The following POLR2F variants were observed in gnomAD, a reference collection of about 807,000 sequenced individuals.
POLR2F encodes DNA-directed RNA polymerases I, II, and III subunit RPABC2.
POLR2F carries 12 observed loss-of-function variants against 22.7 expected under a neutral mutation model. The ratio of observed to expected loss-of-function variants is 0.53; its 90% CI spans 0.34 to 0.86. The LOEUF is 0.86. POLR2F is among the 40% of genes least tolerant of loss of function. The pLI is 0.02. For missense variants in POLR2F, 126 were observed against 171.5 expected (o/e 0.73, Z 1.48); for synonymous variants, 57 against 66.0 (o/e 0.86, Z 0.66).
At chr22:38,029,647 G>T (rs945753363), downstream of POLR2F, among the ~76,000 whole-genome samples, 1 of 152,210 alleles carries the variant, frequency 6.6e-6, no homozygotes, top group Non-Finnish European at 1.5e-5. Context: ...GATGGTTCAA[G>T]TTGGTTTCTG....
intron 1 of POLR2F, among the ~76,000 whole-genome samples, chr22:37,989,594 G>T (rs915530511): frequency 2.0e-5 from 3 of 152,208 alleles, no homozygotes; most frequent in Non-Finnish European, 4.4e-5. Flanking sequence ...AGCTGTGAGG[G>T]CTCCTGTCAT....
rs1348534066 is a variant in POLR2F at position 37,997,861 on chromosome 22, C to T, written c.120+11549C>T. 1.3e-5 allele frequency among the ~76,000 whole-genome samples: 2 copies of T among 152,142 alleles called. No individual in the cohort carries two copies. The highest frequency in any genetic ancestry group is 6.5e-5 in the Admixed American group (1 of 15,278). On this transcript the variant is annotated intron_variant, in intron 1 of 2. Transcript: ENST00000333418. This position sits in a 1 kb window ranked among gnomAD's most constrained non-coding sequence, Gnocchi z 4.4. ...GGGGGACAGGCAGGAGGTAAGGATG[C>T]GTCCGAGCCTCCCTAGGACACGACC... is the stretch of plus-strand genomic sequence containing the variant.
chr22:38,008,799 A>G (rs2084846478), intron 1 of POLR2F, among the ~76,000 whole-genome samples: 1 of 151,508 alleles, frequency 6.6e-6, no homozygotes. Flanking sequence ...CAGAGGTTGC[A>G]GTGAGCCGAG....
At chr22:38,033,344 C>T (rs2085084074) in intron 5 of POLR2F, among the ~76,000 whole-genome samples, 1 of 152,176 alleles carries the variant, frequency 6.6e-6, no homozygotes, top group South Asian at 2.1e-4. Context: ...AGAGAAAGCG[C>T]TTGTCCAGGG....
chr22:37,991,585 G>A (rs1932729382), intron 1 of POLR2F, among the ~76,000 whole-genome samples: 1 of 152,032 alleles, frequency 6.6e-6, no homozygotes, highest in African/African-American at 2.4e-5. Flanking sequence ...TTAACATCTT[G>A]TAGAGTTTTT....
intron 3 of POLR2F, among the ~76,000 whole-genome samples, chr22:37,961,139 G>A (rs1555934700): frequency 2.0e-5 from 3 of 152,136 alleles, no homozygotes; most frequent in South Asian, 4.1e-4. Context: ...ATGAGCCACC[G>A]CGCCTGGCCG....
At position 37,959,339 on chromosome 22, in the gene POLR2F, T is replaced by C. The variant is rs773785990; in HGVS notation, c.91-7T>C. On this transcript the variant is annotated splice_region_variant and splice_polypyrimidine_tract_variant and intron_variant, in intron 2 of 4. Transcript: ENST00000442738. ...AGTCTTTCCCTCTTTTTTGTCTTGG[T>C]GTCCAGGAAGGCCAGGAGAATGTCG... 4.3e-6 allele frequency: 7 copies of C among 1,612,720 alleles called. No individual in the cohort carries two copies. The African/African-American group carries it at 6.7e-5, about 15-fold the overall frequency.
At chr22:37,987,326 G>C in intron 1 of POLR2F, 1 of 456,376 alleles carries the variant, frequency 2.2e-6, no homozygotes, top group South Asian at 1.5e-5. Context: ...CCCCAGAGAG[G>C]AGGAGAGGAA....
downstream of POLR2F, chr22:37,971,161 A>G (rs1430850488): frequency 4.4e-6 from 2 of 459,218 alleles, no homozygotes; most frequent in African/African-American, 4.0e-5. Flanking sequence ...TCCAGATACA[A>G]AGCAGAAGCA....
intron 1 of POLR2F, among the ~76,000 whole-genome samples, chr22:37,992,872 T>G (rs1009347659): frequency 1.3e-5 from 2 of 152,258 alleles, no homozygotes; most frequent in Admixed American, 6.5e-5. Flanking sequence ...TGTTTAGTCA[T>G]GGAACTGGAC....
chr22:37,960,605 G>T (rs894533065), intron 3 of POLR2F, among the ~76,000 whole-genome samples: 2 of 151,938 alleles, frequency 1.3e-5, no homozygotes, highest in East Asian at 1.9e-4. Context: ...CACCATGTTA[G>T]CCAGGGTGGT....
intron 2 of POLR2F, 123 bp downstream of exon 2, chr22:37,956,965 C>A: frequency 1.3e-6 from 1 of 779,360 alleles, no homozygotes; most frequent in Non-Finnish European, 2.3e-6. Flanking sequence ...TAAGCATTCC[C>A]AGTTAGAGTG....
intron 4 of POLR2F, among the ~76,000 whole-genome samples, chr22:37,979,551 G>T (rs1197765053): frequency 6.6e-6 from 1 of 151,976 alleles, no homozygotes; most frequent in Non-Finnish European, 1.5e-5. Context: ...CTGGGTGGGG[G>T]GTACTGCCTC....
intron 1 of POLR2F, chr22:38,025,595 G>A: frequency 1.3e-6 from 2 of 1,521,298 alleles, no homozygotes; most frequent in Non-Finnish European, 1.8e-6. Flanking sequence ...CTGGGGGCTG[G>A]AATACACAGT....
chr22:38,029,537 A>G (rs2085046304), downstream of POLR2F, among the ~76,000 whole-genome samples: 1 of 152,222 alleles, frequency 6.6e-6, no homozygotes, highest in Non-Finnish European at 1.5e-5. Context: ...TCTAACTGGC[A>G]AGACCTCTCA....
chr22:37,998,993 C>T (rs946962529), intron 1 of POLR2F, among the ~76,000 whole-genome samples: 2 of 151,672 alleles, frequency 1.3e-5, no homozygotes, highest in Non-Finnish European at 2.9e-5. Flanking sequence ...GATGCGCCCC[C>T]GTCCCTACAC....
In POLR2F at chr22:37,967,888, T is replaced by C; in HGVS notation, c.*173T>C. The C allele has an allele frequency of 7.4e-7, 1 of 1,352,894 alleles. No homozygotes were observed. The allele number at this position is 1,352,894 out of a possible 1,614,324, so 83.8% of individuals were successfully genotyped here. ...TGCGTGGAGCATGCACCTATTCCAG[T>C]GGCCCTGTGACTGTCAGCTCCTTAA... On this transcript the variant is annotated 3_prime_UTR_variant, in exon 5 of 5. Coordinates refer to ENST00000442738, the MANE Select transcript of POLR2F (RefSeq NM_021974.5).
At chr22:38,030,112 C>T (rs2085050784), downstream of POLR2F, among the ~76,000 whole-genome samples, 1 of 152,122 alleles carries the variant, frequency 6.6e-6, no homozygotes, top group African/African-American at 2.4e-5. Context: ...GGGAAGATTG[C>T]CTGGGCCTGA....
intron 4 of POLR2F, among the ~76,000 whole-genome samples, chr22:37,979,844 G>T (rs919067121): frequency 5.9e-5 from 9 of 152,128 alleles, no homozygotes; most frequent in Non-Finnish European, 1.0e-4. Flanking sequence ...GAGAATCCAT[G>T]AGTCTTTGTG....
Sources: gnomAD v4.1 joint callset for allele counts (sites outside exome capture counted in the v4.1 genomes callset) on GRCh38, gnomAD v4.1.1 for gene constraint, Gnocchi (gnomAD v3.1) non-coding constraint, MANE v1.5 for transcripts, NCBI Gene and HGNC (gene_info 2026-07-23, HGNC 2026-07-21) for gene names.